Variants in DIS3L2 observed in about 807,000 individuals in gnomAD.
DIS3L2 encodes the protein DIS3-like exonuclease 2.
In DIS3L2, 34 loss-of-function variants were observed where a neutral mutation model predicts 97.5. That is an observed-to-expected ratio of 0.35 (90% CI 0.27 to 0.46). The LOEUF (loss-of-function observed/expected upper bound fraction) is 0.46, where lower values mean the gene tolerates loss of function less well. Among genes scored for constraint, DIS3L2 ranks in the 20% least tolerant of loss-of-function variants. DIS3L2 has a pLI of 1.00. For synonymous variants in DIS3L2, 435 were observed against 445.2 expected, an observed-to-expected ratio of 0.98 and a Z score of 0.29; for missense variants, 1,038 against 1,146.0, an observed-to-expected ratio of 0.91 and a Z score of 1.36.
chr2:232,259,766 G>A (rs13421787), intron 12 of DIS3L2: 15,090 of 152,100 alleles, frequency 0.099, 1,695 homozygotes, highest in African/African-American at 0.27. Context: ...TTACAGGTGC[G>A]CACTACCATG....
chr2:232,066,379 A>G (rs1695857446), intron 5 of DIS3L2, among the ~76,000 whole-genome samples: 1 of 152,022 alleles, frequency 6.6e-6, no homozygotes, highest in East Asian at 1.9e-4. Context: ...AGATGACTAT[A>G]CAGATTCTTT....
chr2:232,205,876 C>T (rs1692014922), intron 9 of DIS3L2, among the ~76,000 whole-genome samples: 1 of 152,168 alleles, frequency 6.6e-6, no homozygotes, highest in South Asian at 2.1e-4. Context: ...TACAGATTGT[C>T]ACAAGTAGAG....
chr2:232,004,003 G>A (rs922553017), intron 1 of DIS3L2, among the ~76,000 whole-genome samples: 1 of 152,072 alleles, frequency 6.6e-6, no homozygotes, highest in African/African-American at 2.4e-5. Flanking sequence ...GCAAATCTGG[G>A]ATGTTTTTAG....
intron 12 of DIS3L2, among the ~76,000 whole-genome samples, chr2:232,258,461 G>A (rs1330454202): frequency 2.0e-5 from 3 of 152,116 alleles, no homozygotes; most frequent in Non-Finnish European, 4.4e-5. Flanking sequence ...GCATGTGCCT[G>A]TAGTCCCAGC....
chr2:232,210,081 A>G (rs1692144659), intron 9 of DIS3L2, among the ~76,000 whole-genome samples: 1 of 152,148 alleles, frequency 6.6e-6, no homozygotes, highest in South Asian at 2.1e-4. Flanking sequence ...ACCCACTCAC[A>G]TCTCTTCTGG....
At chr2:232,254,817 C>A (rs2106270731) in intron 12 of DIS3L2, among the ~76,000 whole-genome samples, 1 of 152,278 alleles carries the variant, frequency 6.6e-6, no homozygotes, top group East Asian at 1.9e-4. Context: ...GAAGTAGGCA[C>A]AGGATCCAGG....
chr2:232,299,942 G>A, intron 13 of DIS3L2, 98 bp from the exon 14 acceptor site: 2 of 1,205,296 alleles, frequency 1.7e-6, no homozygotes, highest in African/African-American at 1.5e-5. Flanking sequence ...TGACTTGAGG[G>A]AGTGTGACTT....
intron 6 of DIS3L2, among the ~76,000 whole-genome samples, chr2:232,118,556 C>T (rs906659940): frequency 1.3e-5 from 2 of 152,218 alleles, no homozygotes; most frequent in Non-Finnish European, 2.9e-5. Flanking sequence ...AACCCCACAA[C>T]AGTCTTGTAT....
At chr2:231,983,375 G>C (rs573866897) in intron 1 of DIS3L2, among the ~76,000 whole-genome samples, 10 of 152,178 alleles carry the variant, frequency 6.6e-5, no homozygotes, top group Non-Finnish European at 1.3e-4. Context: ...GCCTGTGTTG[G>C]TGGCTGGTAA....
At chr2:232,063,670 A>T (rs1011737684) in intron 5 of DIS3L2, among the ~76,000 whole-genome samples, 15 of 152,268 alleles carry the variant, frequency 9.9e-5, no homozygotes, top group African/African-American at 3.4e-4. Flanking sequence ...ACAGGAAGCA[A>T]GACACTGCCT....
chr2:232,109,597 T>C (rs1697463643), intron 6 of DIS3L2, among the ~76,000 whole-genome samples: 1 of 152,178 alleles, frequency 6.6e-6, no homozygotes, highest in Non-Finnish European at 1.5e-5. Context: ...ATCTGATCTT[T>C]GACAAACCTG....
chr2:232,254,555 AC>A (rs1693505546), intron 12 of DIS3L2, among the ~76,000 whole-genome samples: 1 of 152,206 alleles, frequency 6.6e-6, no homozygotes, highest in South Asian at 2.1e-4. Context: ...GTTTAACTAA[AC>A]AGAAAATAAA....
At chr2:232,255,837 C>T (rs559558296) in intron 12 of DIS3L2, among the ~76,000 whole-genome samples, 28 of 152,266 alleles carry the variant, frequency 1.8e-4, no homozygotes, top group Admixed American at 1.6e-3. Context: ...TCAAAAACCA[C>T]GGGGTCATTC....
intron 12 of DIS3L2, among the ~76,000 whole-genome samples, chr2:232,262,574 G>T (rs1482475652): frequency 6.6e-6 from 1 of 152,188 alleles, no homozygotes; most frequent in Non-Finnish European, 1.5e-5. Context: ...AGTGGATAGA[G>T]GCCAGGGATA....
chr2:232,208,260 C>CTCCCCTCTTCT (rs1280330887), intron 9 of DIS3L2, among the ~76,000 whole-genome samples: 1 of 151,746 alleles, frequency 6.6e-6, no homozygotes, highest in African/African-American at 2.4e-5. Flanking sequence ...CGTTCCGTTC[C>CTCCCCTCTTCT]TCTCCTCTTC....
Position 232,336,621 on chromosome 2 carries a change from C to A in DIS3L2, c.2649C>A (p.Ser883Arg). The change falls in exon 21 of 21, where the codon AGC becomes AGA. Residue 883 changes from serine to arginine, a missense_variant. Physicochemically the swap from Ser to Arg is moderately radical, Grantham distance 110 (BLOSUM62 -1). Coordinates refer to ENST00000325385, the MANE Select transcript of DIS3L2 (RefSeq NM_152383.5). Reference protein sequence around the residue: ...EESDGEPEDSSTS With the variant: ...EESDGEPEDSRTS ...CTGACGGTGAGCCCGAGGACTCAAG[C>A]ACCAGCTGAGCTCCACCAGCCGCCT... 6.2e-7 allele frequency: 1 copy of A among 1,602,354 alleles called. No homozygotes were observed. Among genetic ancestry groups the A allele is most frequent in the Non-Finnish European group, 8.5e-7 (1 of 1,178,178 alleles).
chr2:232,015,648 T>C lies in DIS3L2; in HGVS notation c.187T>C (p.Leu63=). Residue 63 remains leucine (L), a synonymous_variant, in exon 3 of 21, where the codon TTG becomes CTG. Transcript: ENST00000325385. The stretch of plus-strand genomic sequence containing the variant: ...GTCCAAGGAGGATGTTTCAGAAGGC[T>C]TGAAGAGAGGAACACTCATCCAGGT... ...YMSKEDVSEG[L]KRGTLIQGVL... 6.2e-7 allele frequency: 1 copy of C among 1,613,962 alleles called. No homozygotes were observed. Among genetic ancestry groups the C allele is most frequent in the Non-Finnish European group, 8.5e-7 (1 of 1,179,892 alleles).
chr2:232,079,361 C>T (rs1696315141), intron 5 of DIS3L2, among the ~76,000 whole-genome samples: 1 of 152,000 alleles, frequency 6.6e-6, no homozygotes, highest in Admixed American at 6.6e-5. Flanking sequence ...CTTTGGGAGG[C>T]TGAGGCGGGC....
chr2:232,129,088 G>A (rs1224655622), intron 6 of DIS3L2, among the ~76,000 whole-genome samples: 2 of 152,152 alleles, frequency 1.3e-5, no homozygotes, highest in African/African-American at 4.8e-5. Context: ...GCTGTTGTTG[G>A]GATGGAATCT....
Sources: gnomAD v4.1 joint callset for allele counts (sites outside exome capture counted in the v4.1 genomes callset) on GRCh38, gnomAD v4.1.1 for gene constraint, MANE v1.5 for transcripts, NCBI Gene and HGNC (gene_info 2026-07-23, HGNC 2026-07-21) for gene names.